The following KLF13 variants were observed in gnomAD, a reference collection of about 807,000 sequenced individuals.
KLF13 encodes the protein KLF transcription factor 13.
A neutral mutation model predicts 16.7 loss-of-function variants in KLF13; 8 were observed. The ratio of observed to expected loss-of-function variants is 0.48; its 90% CI spans 0.28 to 0.87. The LOEUF (loss-of-function observed/expected upper bound fraction) is 0.87. Ranked by LOEUF, KLF13 falls within the 40% of genes least tolerant of loss-of-function variation. KLF13 has a pLI of 0.10. For missense variants in KLF13, 447 were observed against 452.2 expected (o/e 0.99, Z 0.10); for synonymous variants, 245 against 208.4 (o/e 1.18, Z -1.51).
chr15:31,381,045 G>A (rs7172678), downstream of KLF13, among the ~76,000 whole-genome samples: 17,111 of 151,918 alleles, frequency 0.11, 2,046 homozygotes, highest in African/African-American at 0.3. Context: ...GGTGGCGGGT[G>A]CCTGTAATCC....
At position 31,327,593 on chromosome 15, in the gene KLF13, C is replaced by G; in HGVS notation, c.381C>G (p.Pro127=). 1.2e-5 allele frequency: 15 copies of G among 1,237,064 alleles called. No individual in the cohort carries two copies. The highest frequency in any genetic ancestry group is 1.5e-5 in the Non-Finnish European group (15 of 978,882). The allele number at this position is 1,237,064 out of a possible 1,614,324, so 76.6% of individuals were successfully genotyped here. ...GCCCGGCGTGGAGCGAGCCGGAGCCCGAGGCGGGGCTGGAGCCCGAGCGGG... is the reference window on the plus strand; with the variant it reads ...GCCCGGCGTGGAGCGAGCCGGAGCCGGAGGCGGGGCTGGAGCCCGAGCGGG... ...PPSPAWSEPE[P]EAGLEPEREP... is the part of the protein sequence containing the mutation. Residue 127 remains proline (P), a synonymous_variant, in exon 1 of 2, where the codon CCC becomes CCG. Transcript: ENST00000307145.
chr15:31,413,187 C>CAAAAAAAAAAAAAAAAAAAAAA (rs1161762538), intron 1 of KLF13, among the ~76,000 whole-genome samples: 9 of 63,338 alleles, frequency 1.4e-4, no homozygotes, highest in South Asian at 6.7e-4. Flanking sequence ...AATGAATAGA[C>CAAAAAAAAAAAAAAAAAAAAAA]AAAAAAAAAA....
chr15:31,420,021 G>C, intron 1 of KLF13: 1 of 319,120 alleles, frequency 3.1e-6, no homozygotes, highest in Non-Finnish European at 6.1e-6. Flanking sequence ...AGGCTGGAAA[G>C]GAGTGAGATG....
chr15:31,337,514 G>A (rs1358891316), intron 1 of KLF13, among the ~76,000 whole-genome samples: 1 of 152,248 alleles, frequency 6.6e-6, no homozygotes, highest in East Asian at 1.9e-4. Flanking sequence ...TGCGTTCTGA[G>A]AAGTGTGTTG....
At chr15:31,335,437 G>A (rs951688625) in intron 1 of KLF13, among the ~76,000 whole-genome samples, 8 of 66,962 alleles carry the variant, frequency 1.2e-4, no homozygotes, top group Non-Finnish European at 2.1e-4. Context: ...GTGTGTGTAT[G>A]TGTGTGTGTG....
At chr15:31,432,003 T>G (rs1307249492) in intron 1 of KLF13, among the ~76,000 whole-genome samples, 1 of 151,786 alleles carries the variant, frequency 6.6e-6, no homozygotes, top group Non-Finnish European at 1.5e-5. Context: ...TACAGATGGA[T>G]GCAAGTGGTG....
chr15:31,392,967 T>G (rs989004213), exon 1 of KLF13: 2 of 152,768 alleles, frequency 1.3e-5, no homozygotes, highest in African/African-American at 4.8e-5. Flanking sequence ...CGGCTCCACC[T>G]GCAAAGCAGA....
chr15:31,424,822 A>C (rs1382406247), intron 1 of KLF13, among the ~76,000 whole-genome samples: 3 of 151,950 alleles, frequency 2.0e-5, no homozygotes, highest in African/African-American at 7.3e-5. Flanking sequence ...TCTGAATAGA[A>C]GAAGTAAAAA....
intron 2 of KLF13, among the ~76,000 whole-genome samples, chr15:31,399,596 C>G (rs1041496388): frequency 5.9e-5 from 9 of 152,256 alleles, no homozygotes; most frequent in African/African-American, 2.2e-4. Flanking sequence ...CCTGCCCCCT[C>G]TACTCCTAGA....
In KLF13 at chr15:31,372,602, C is replaced by T. The variant is rs2039573096; in HGVS notation, c.*303C>T. ...GAGGACACCCCTTCCTGCCGCCTTA[C>T]TCTGTACATAGATTTGCACTCTGGA... On this transcript the variant is annotated 3_prime_UTR_variant, in exon 2 of 2. Coordinates refer to ENST00000307145, the MANE Select transcript of KLF13 (RefSeq NM_015995.4). 1.5e-5 allele frequency: 6 copies of T among 412,660 alleles called. No individual in the cohort carries two copies. In the South Asian group the frequency reaches 2.5e-4, roughly 17 times the overall value. 25.6% of individuals were successfully genotyped at this position (412,660 alleles called of 1,614,324 possible). A position where few individuals can be genotyped will look rare whatever the true frequency, so the allele number is the denominator to read the frequency against.
intron 1 of KLF13, among the ~76,000 whole-genome samples, chr15:31,334,209 C>T (rs1433303205): frequency 1.3e-5 from 2 of 152,168 alleles, no homozygotes; most frequent in East Asian, 3.9e-4. Context: ...AAAATGGCTC[C>T]AGATGGTATT....
chr15:31,415,493 T>C lies in KLF13; in HGVS notation n.118-19877T>C, dbSNP rs75228639. Among the ~76,000 whole-genome samples, 1,245 of 152,242 alleles carry C rather than the reference T, an allele frequency of 8.2e-3. 25 individuals carry two copies. Among genetic ancestry groups the C allele is most frequent in the African/African-American group, 0.028 (1,167 of 41,536 alleles). ...AATTTATAGCAGGAAAATAATTTGG[T>C]AAACTCAGAGATATGTGGAAATTTT... On this transcript the variant is annotated intron_variant and non_coding_transcript_variant, in intron 1 of 1. Coordinates refer to the KLF13 transcript ENST00000558225.
intron 1 of KLF13, among the ~76,000 whole-genome samples, chr15:31,333,593 T>A (rs557885022): frequency 6.6e-6 from 1 of 152,292 alleles, no homozygotes; most frequent in South Asian, 2.1e-4. Flanking sequence ...AATTAATTTT[T>A]TGTCTATATT....
intron 1 of KLF13, among the ~76,000 whole-genome samples, chr15:31,371,670 A>G (rs1257605025): frequency 1.3e-5 from 2 of 152,208 alleles, no homozygotes; most frequent in Non-Finnish European, 2.9e-5. Context: ...CTGGCCCGGC[A>G]TGGGTGTGTA....
At chr15:31,340,852 C>T (rs1054427896) in intron 1 of KLF13, among the ~76,000 whole-genome samples, 1 of 152,222 alleles carries the variant, frequency 6.6e-6, no homozygotes, top group Admixed American at 6.5e-5. Flanking sequence ...CTGGGCGACA[C>T]GGGGAGATCC....
At chr15:31,362,322 T>C (rs2039402925) in intron 1 of KLF13, among the ~76,000 whole-genome samples, 1 of 152,218 alleles carries the variant, frequency 6.6e-6, no homozygotes, top group Admixed American at 6.5e-5. Flanking sequence ...ACCCAGGGGC[T>C]CTAAAGCCCT....
chr15:31,338,374 C>T (rs924542915), intron 1 of KLF13, among the ~76,000 whole-genome samples: 4 of 152,106 alleles, frequency 2.6e-5, no homozygotes, highest in South Asian at 2.1e-4. Context: ...CTTGTATATG[C>T]GCATGCACAC....
At chr15:31,418,726 A>G (rs571316823) in intron 1 of KLF13, among the ~76,000 whole-genome samples, 28 of 152,348 alleles carry the variant, frequency 1.8e-4, no homozygotes, top group African/African-American at 6.7e-4. Flanking sequence ...TTTTTATACA[A>G]AGCTACCATG....
At chr15:31,382,923 G>A (rs928671637) in intron 1 of KLF13, among the ~76,000 whole-genome samples, 25 of 152,344 alleles carry the variant, frequency 1.6e-4, no homozygotes, top group African/African-American at 5.5e-4. Flanking sequence ...CAGTCTGGGT[G>A]TCCTGACCCC....
Sources: gnomAD v4.1 joint callset for allele counts (sites outside exome capture counted in the v4.1 genomes callset) on GRCh38, gnomAD v4.1.1 for gene constraint, MANE v1.5 for transcripts, NCBI Gene and HGNC (gene_info 2026-07-23, HGNC 2026-07-21) for gene names.